SBK1: variants seen among roughly 807,000 people sequenced by gnomAD.
The protein encoded by SBK1 is serine/threonine-protein kinase SBK1.
SBK1 carries 11 observed loss-of-function variants against 24.4 expected under a neutral mutation model. That is an observed-to-expected ratio of 0.45 (90% CI 0.28 to 0.75). The LOEUF (loss-of-function observed/expected upper bound fraction) is 0.75, where lower values mean the gene tolerates loss of function less well. Among genes scored for constraint, SBK1 ranks in the 30% least tolerant of loss-of-function variants. SBK1 has a pLI of 0.12. For synonymous variants in SBK1, 308 were observed against 284.4 expected (o/e 1.08, Z -0.83); for missense variants, 467 against 620.5 (o/e 0.75, Z 2.63).
Position 28,320,829 on chromosome 16 carries a change from G to A in SBK1, c.1183G>A (p.Ala395Thr). 6.8e-7 allele frequency: 1 copy of A among 1,462,270 alleles called. No homozygotes were observed. Among genetic ancestry groups the A allele is most frequent in the Non-Finnish European group, 9.0e-7 (1 of 1,107,398 alleles). The allele number at this position is 1,462,270 out of a possible 1,614,324, so 90.6% of individuals were successfully genotyped here. A position where few individuals can be genotyped will look rare whatever the true frequency, so the allele number is the denominator to read the frequency against. The stretch of plus-strand genomic sequence containing the variant: ...GGTGCCTGTGCCCGAGCCCGGCCTA[G>A]CTCCCCAGGGGCCCCCCGGCCGGAC... ...VPVPVPEPGL[A>T]PQGPPGRTDG... The change falls in exon 4 of 4, where the codon GCT becomes ACT. Residue 395 changes from alanine (A) to threonine (T), a missense_variant. This residue lies in a region of SBK1 where 166 missense variants were observed against 146.8 expected (regional missense o/e 1.13). Transcript: ENST00000341901. The surrounding 1 kb of genome is among the most constrained non-coding windows in gnomAD (Gnocchi z 8.5).
chr16:28,305,570 C>T (rs1384312605), intron 1 of SBK1, among the ~76,000 whole-genome samples: 1 of 146,632 alleles, frequency 6.8e-6, no homozygotes, highest in South Asian at 2.2e-4. Flanking sequence ...CTTTCTCTGT[C>T]GTCCAGGCTG....
intron 1 of SBK1, among the ~76,000 whole-genome samples, chr16:28,301,960 T>C (rs1596549411): frequency 1.3e-5 from 2 of 152,156 alleles, no homozygotes; most frequent in East Asian, 1.9e-4. Flanking sequence ...TCCTCCTCCT[T>C]CTCTTTGTGA....
chr16:28,292,945 C>T lies in SBK1; in HGVS notation c.-363C>T. On this transcript the variant is annotated 5_prime_UTR_variant, in exon 1 of 4. Transcript: ENST00000341901. Reference sequence around the variant, plus strand: ...CGCCCCAAGACCTAGAACGCAGTGCCCCCAGGCCGGGATTGCGAGAACCCC... The same window carrying T: ...CGCCCCAAGACCTAGAACGCAGTGCTCCCAGGCCGGGATTGCGAGAACCCC... 3.1e-6 allele frequency: 3 copies of T among 973,622 alleles called. No individual in the cohort carries two copies. Among genetic ancestry groups the T allele is most frequent in the Non-Finnish European group, 3.7e-6 (3 of 819,352 alleles). The allele number at this position is 973,622 out of a possible 1,614,324, so 60.3% of individuals were successfully genotyped here.
upstream of SBK1, chr16:28,259,062 G>A (rs2141948499): frequency 6.6e-6 from 1 of 152,622 alleles, no homozygotes; most frequent in East Asian, 1.9e-4. The surrounding 1 kb of genome is among the most constrained non-coding windows in gnomAD (Gnocchi z 6.0). Flanking sequence ...GCTCCACAGG[G>A]GCAGTTGGGG....
Position 28,320,936 on chromosome 16 carries a change from C to A in SBK1, c.*15C>A, listed in dbSNP as rs748105301. 2.1e-6 allele frequency: 3 copies of A among 1,421,226 alleles called. No individual in the cohort carries two copies. In the South Asian group the frequency reaches 4.1e-5, roughly 19 times the overall value. 88.0% of individuals were successfully genotyped at this position (1,421,226 alleles called of 1,614,324 possible). A position where few individuals can be genotyped will look rare whatever the true frequency, so the allele number is the denominator to read the frequency against. On this transcript the variant is annotated 3_prime_UTR_variant, in exon 4 of 4. Coordinates refer to ENST00000341901, the MANE Select transcript of SBK1 (RefSeq NM_001024401.3). This position sits in a 1 kb window ranked among gnomAD's most constrained non-coding sequence, Gnocchi z 8.5. ...TCTGCGTCTGAGTCGCCTCCGCCGCCCTCGGACCCGGGAGCAGCCCGGGCC... is the reference window on the plus strand; with the variant it reads ...TCTGCGTCTGAGTCGCCTCCGCCGCACTCGGACCCGGGAGCAGCCCGGGCC...
intron 1 of SBK1, among the ~76,000 whole-genome samples, chr16:28,297,812 G>T (rs2044651306): frequency 6.6e-6 from 1 of 152,168 alleles, no homozygotes; most frequent in Non-Finnish European, 1.5e-5. Flanking sequence ...GTCTAGGGAG[G>T]CAGAGGCTTC....
At chr16:28,287,251 A>G (rs2141571765) in intron 1 of SBK1, among the ~76,000 whole-genome samples, 1 of 143,694 alleles carries the variant, frequency 7.0e-6, no homozygotes, top group East Asian at 2.1e-4. Context: ...GACCAGCCTG[A>G]CCAATATGGT....
At chr16:28,295,925 T>TC (rs1342817223) in intron 1 of SBK1, among the ~76,000 whole-genome samples, 1 of 146,250 alleles carries the variant, frequency 6.8e-6, no homozygotes, top group Non-Finnish European at 1.5e-5. Flanking sequence ...AAAATCTTTT[T>TC]TTTTTTTTTT....
rs1567681837 is a variant in SBK1 at position 28,320,810 on chromosome 16, T to G, written c.1164T>G (p.Pro388=). 9 of 1,442,514 alleles carry G rather than the reference T, an allele frequency of 6.2e-6. No homozygotes were observed. The highest frequency in any genetic ancestry group is 1.5e-5 in the African/African-American group (1 of 66,266). 89.4% of individuals were successfully genotyped at this position (1,442,514 alleles called of 1,614,324 possible). The change falls in exon 4 of 4, where the codon CCT becomes CCG. Residue 388 remains proline (P), a synonymous_variant. Coordinates refer to ENST00000341901, the MANE Select transcript of SBK1 (RefSeq NM_001024401.3). This position sits in a 1 kb window ranked among gnomAD's most constrained non-coding sequence, Gnocchi z 8.5. ...CGGTGCCAGTGCCCGTGCCGGTGCC[T>G]GTGCCCGAGCCCGGCCTAGCTCCCC... ...PVPVPVPVPV[P]VPEPGLAPQG...
chr16:28,312,403 G>A (rs1419712461), intron 1 of SBK1, among the ~76,000 whole-genome samples: 1 of 152,206 alleles, frequency 6.6e-6, no homozygotes, highest in Non-Finnish European at 1.5e-5. Flanking sequence ...CTGAGACCAG[G>A]GAAAGACGAT....
chr16:28,294,244 CA>C, intron 1 of SBK1, among the ~76,000 whole-genome samples: 1 of 152,276 alleles, frequency 6.6e-6, no homozygotes, highest in Middle Eastern at 3.4e-3. Flanking sequence ...CCCTAGGGGA[CA>C]TTGTACCCTG....
intron 1 of SBK1, among the ~76,000 whole-genome samples, chr16:28,312,906 G>A (rs1322088710): frequency 6.6e-6 from 1 of 152,198 alleles, no homozygotes; most frequent in Admixed American, 6.5e-5. Flanking sequence ...GGCTGAGGCG[G>A]GCAGATCACC....
chr16:28,283,316 C>G (rs2141569314), intron 1 of SBK1, among the ~76,000 whole-genome samples: 2 of 152,248 alleles, frequency 1.3e-5, no homozygotes, highest in East Asian at 3.9e-4. Flanking sequence ...ACAAAAAGGA[C>G]TTGAGTGGGT....
Position 28,313,502 on chromosome 16 carries a change from A to AT in SBK1, c.-7-3882dup, listed in dbSNP as rs2044768935. On this transcript the variant is annotated intron_variant, in intron 1 of 3. Coordinates refer to ENST00000341901, the MANE Select transcript of SBK1 (RefSeq NM_001024401.3). Reference sequence around the variant, plus strand: ...GGTCCCAGCTACTCAGGAGGCTGAGATGGGAAGATTGCCAGAGTCCGGGAT... The same window carrying AT: ...GGTCCCAGCTACTCAGGAGGCTGAGATTGGGAAGATTGCCAGAGTCCGGGAT... Among the ~76,000 whole-genome samples, 10 of 148,782 alleles carry AT rather than the reference A, an allele frequency of 6.7e-5. No individual in the cohort carries two copies. In the Admixed American group the frequency reaches 6.7e-4, roughly 10 times the overall value.
intron 1 of SBK1, among the ~76,000 whole-genome samples, chr16:28,299,356 A>T (rs1216389554): frequency 6.6e-6 from 1 of 152,176 alleles, no homozygotes; most frequent in African/African-American, 2.4e-5. Flanking sequence ...CCCCATCTTT[A>T]CAGATGGAAA....
intron 1 of SBK1, among the ~76,000 whole-genome samples, chr16:28,302,668 C>T (rs950358141): frequency 6.6e-6 from 1 of 152,178 alleles, no homozygotes; most frequent in East Asian, 1.9e-4. Context: ...CTGGATTGTA[C>T]CCGGTAGGAA....
In SBK1 at chr16:28,317,677, G is replaced by C; in HGVS notation, c.226+60G>C. On this transcript the variant is annotated intron_variant, in intron 2 of 3. Transcript: ENST00000341901. The surrounding 1 kb of genome is among the most constrained non-coding windows in gnomAD (Gnocchi z 4.2). ...GGGGTGGGGCAGGGCTGGGAGGTCA[G>C]GGTTGGGGGACATGACCTTGCAGCT... 5 of 1,167,188 alleles carry C rather than the reference G, an allele frequency of 4.3e-6. No homozygotes were observed. The highest frequency in any genetic ancestry group is 6.4e-6 in the Non-Finnish European group (5 of 782,212). 72.3% of individuals were successfully genotyped at this position (1,167,188 alleles called of 1,614,324 possible).
At chr16:28,263,697 G>A (rs2044410994) in intron 1 of SBK1, among the ~76,000 whole-genome samples, 2 of 152,192 alleles carry the variant, frequency 1.3e-5, no homozygotes, top group African/African-American at 4.8e-5. Flanking sequence ...TAATCTGATT[G>A]ACATTTTAAA....
Position 28,317,425 on chromosome 16 carries a change from C to G in SBK1, c.34C>G (p.Arg12Gly). The G allele has an allele frequency of 6.2e-7, 1 of 1,614,060 alleles. No individual in the cohort carries two copies. Among genetic ancestry groups the G allele is most frequent in the South Asian group, 1.1e-5 (1 of 91,066 alleles). The change falls in exon 2 of 4, where the codon CGC (arginine) becomes GGC (glycine). Residue 12 changes from arginine (R) to glycine (G), a missense_variant. Physicochemically the swap from Arg to Gly is moderately radical, Grantham distance 125. Coordinates refer to ENST00000341901, the MANE Select transcript of SBK1 (RefSeq NM_001024401.3). This position sits in a 1 kb window ranked among gnomAD's most constrained non-coding sequence, Gnocchi z 4.2. ...SVGCPEPEPP[R>G]SLTCCGPGTA... is the part of the protein sequence containing the mutation. ...GGGCTGCCCAGAGCCTGAGCCGCCC[C>G]GCTCCCTGACCTGCTGTGGGCCGGG...
Sources: allele counts gnomAD v4.1 joint callset (sites outside exome capture counted in the v4.1 genomes callset), GRCh38; gene constraint gnomAD v4.1.1; regional missense constraint gnomAD v4.1.1; non-coding constraint Gnocchi (gnomAD v3.1); transcripts MANE v1.5; gene names NCBI Gene and HGNC (gene_info 2026-07-23, HGNC 2026-07-21).